The following NLRP3 variants were observed in gnomAD, a reference collection of about 807,000 sequenced individuals.
The protein encoded by NLRP3 is NACHT, LRR and PYD domains-containing protein 3.
In NLRP3, 48 loss-of-function variants were observed where a neutral mutation model predicts 91.3. That is an observed-to-expected ratio of 0.53 (90% CI 0.42 to 0.67). The LOEUF (loss-of-function observed/expected upper bound fraction) is 0.67, where lower values mean the gene tolerates loss of function less well. Ranked by LOEUF, NLRP3 falls within the 30% of genes least tolerant of loss-of-function variation. The pLI is 0.00. For synonymous variants in NLRP3, 561 were observed against 507.9 expected (o/e 1.10, Z -1.41); for missense variants, 982 against 1,276.9 (o/e 0.77, Z 3.52).
chr1:247,444,642 T>G lies in NLRP3; in HGVS notation c.2835-9T>G. The G allele has an allele frequency of 6.2e-7, 1 of 1,613,888 alleles. No individual in the cohort carries two copies. ...GGGACATTTTCTTTAAATCACCCCCTTTTTGCAGATTAGACAACTGCAACC... is the reference window on the plus strand; with the variant it reads ...GGGACATTTTCTTTAAATCACCCCCGTTTTGCAGATTAGACAACTGCAACC... On this transcript the variant is annotated splice_polypyrimidine_tract_variant and intron_variant, in intron 8 of 9. Coordinates refer to ENST00000336119, the MANE Select transcript of NLRP3 (RefSeq NM_001243133.2).
At chr1:247,436,345 A>G (rs113442081) in intron 7 of NLRP3, among the ~76,000 whole-genome samples, 1,623 of 152,308 alleles carry the variant, frequency 0.011, 22 homozygotes, top group African/African-American at 0.037. Flanking sequence ...TGATTATAGA[A>G]CTAGAGTTTC....
At chr1:247,433,035 A>T (rs913647887) in intron 5 of NLRP3, among the ~76,000 whole-genome samples, 3 of 151,634 alleles carry the variant, frequency 2.0e-5, no homozygotes, top group Admixed American at 6.6e-5. Flanking sequence ...ATAATAATAA[A>T]AATAAAATAT....
intron 3 of NLRP3, 84 bp from the exon 4 acceptor site, chr1:247,423,763 G>C (rs3806266): frequency 2.4e-6 from 3 of 1,231,348 alleles, no homozygotes; most frequent in Non-Finnish European, 3.5e-6. Context: ...GTTACCACTC[G>C]CTTCCGATGA....
Position 247,446,036 on chromosome 1 carries a change from C to T in NLRP3, c.3005+1215C>T, listed in dbSNP as rs999362662. 3.3e-5 allele frequency among the ~76,000 whole-genome samples: 5 copies of T among 152,210 alleles called. No homozygotes were observed. In the East Asian group the frequency reaches 5.8e-4, roughly 18 times the overall value. ...TCCACACCCTTGCTACTCTCTTCTACCCGAAACCTGATTCTTCCCCATTTC... is the reference window on the plus strand; with the variant it reads ...TCCACACCCTTGCTACTCTCTTCTATCCGAAACCTGATTCTTCCCCATTTC... On this transcript the variant is annotated intron_variant, in intron 9 of 9. Transcript: ENST00000336119.
rs149659331 is a variant in NLRP3 at position 247,424,028 on chromosome 1, G to A, written c.579G>A (p.Thr193=). Residue 193 remains threonine (T), a synonymous_variant, in exon 4 of 10, where the codon ACG becomes ACA. Transcript: ENST00000336119. The surrounding 1 kb of genome is among the most constrained non-coding windows in gnomAD (Gnocchi z 8.1). ...TTCTGGCCATCGGCAAGACCAAGAC[G>A]TGTGAGAGCCCCGTGAGTCCCATTA... ...QELLAIGKTK[T]CESPVSPIKM... 3.3e-5 allele frequency: 54 copies of A among 1,613,904 alleles called. No individual in the cohort carries two copies. The highest frequency in any genetic ancestry group is 1.3e-4 in the East Asian group (6 of 44,890).
intron 4 of NLRP3, among the ~76,000 whole-genome samples, chr1:247,428,283 AG>A (rs1663053741): frequency 6.6e-6 from 1 of 152,084 alleles, no homozygotes; most frequent in Admixed American, 6.5e-5. Context: ...GAGCCCTGGT[AG>A]GGGGCTCAGC....
chr1:247,420,986 C>T (rs997322155), intron 2 of NLRP3, among the ~76,000 whole-genome samples: 40 of 152,192 alleles, frequency 2.6e-4, no homozygotes, highest in African/African-American at 9.4e-4. Context: ...AGGCTTGGGC[C>T]TCTGCTTCCT....
intron 7 of NLRP3, among the ~76,000 whole-genome samples, chr1:247,441,851 G>T (rs1664264401): frequency 6.6e-6 from 1 of 152,198 alleles, no homozygotes; most frequent in African/African-American, 2.4e-5. Context: ...TACTACTACT[G>T]TGTAGTGCTC....
intron 4 of NLRP3, among the ~76,000 whole-genome samples, chr1:247,427,510 A>G (rs1166267644): frequency 2.0e-5 from 3 of 152,218 alleles, no homozygotes; most frequent in Admixed American, 6.5e-5. Flanking sequence ...TTCTCTAGAT[A>G]GCACCTTCCT....
chr1:247,443,487 G>A (rs1006741725), intron 7 of NLRP3, among the ~76,000 whole-genome samples: 18 of 151,348 alleles, frequency 1.2e-4, no homozygotes, highest in African/African-American at 2.2e-4. Flanking sequence ...CACAATGGAC[G>A]TTCACCTGTT....
chr1:247,425,642 C>A lies in NLRP3; in HGVS notation c.2150+43C>A, dbSNP rs771448179. ...CCAGGTGCTTCCTCCTGCTTCCTCGCCAGCTTCTTCTTGGCGCTTGCCTCC... is the reference window on the plus strand; with the variant it reads ...CCAGGTGCTTCCTCCTGCTTCCTCGACAGCTTCTTCTTGGCGCTTGCCTCC... On this transcript the variant is annotated intron_variant, in intron 4 of 9. Coordinates refer to ENST00000336119, the MANE Select transcript of NLRP3 (RefSeq NM_001243133.2). The surrounding 1 kb of genome is among the most constrained non-coding windows in gnomAD (Gnocchi z 4.1). 1.0e-5 allele frequency: 16 copies of A among 1,580,618 alleles called. No individual in the cohort carries two copies. In the African/African-American group the frequency reaches 2.1e-4, roughly 21 times the overall value.
Position 247,425,726 on chromosome 1 carries a change from C to T in NLRP3, c.2150+127C>T. The T allele has an allele frequency of 1.2e-6, 1 of 864,548 alleles. No individual in the cohort carries two copies. Among genetic ancestry groups the T allele is most frequent in the Non-Finnish European group, 1.9e-6 (1 of 533,822 alleles). 53.6% of individuals were successfully genotyped at this position (864,548 alleles called of 1,614,324 possible). A position where few individuals can be genotyped will look rare whatever the true frequency, so the allele number is the denominator to read the frequency against. ...TTGCCACAGCTACATCATAATGCCA[C>T]CACTGTCTGTTTGAGACTCCTTCAT... is the stretch of plus-strand genomic sequence containing the variant. On this transcript the variant is annotated intron_variant, in intron 4 of 9. Coordinates refer to ENST00000336119, the MANE Select transcript of NLRP3 (RefSeq NM_001243133.2). This position sits in a 1 kb window ranked among gnomAD's most constrained non-coding sequence, Gnocchi z 4.1.
intron 5 of NLRP3, among the ~76,000 whole-genome samples, chr1:247,430,216 A>G (rs1663208795): frequency 1.3e-5 from 2 of 152,302 alleles, no homozygotes; most frequent in South Asian, 4.1e-4. Context: ...CACAGACTGA[A>G]TGGCTTCAAC....
At chr1:247,431,585 T>G (rs2185572) in intron 5 of NLRP3, among the ~76,000 whole-genome samples, 1 of 152,140 alleles carries the variant, frequency 6.6e-6, no homozygotes, top group South Asian at 2.1e-4. Flanking sequence ...TTTGTCTTGC[T>G]GTCATCTTTG....
rs191981446 is a variant in NLRP3 at position 247,417,114 on chromosome 1, T to C, written c.-749+921T>C. ...ACTATGTTGGTGAATGCTGCAGTGA[T>C]ACACCTGTGATAAATGCTGGGGAAG... On this transcript the variant is annotated intron_variant, in intron 1 of 9. Coordinates refer to ENST00000336119, the MANE Select transcript of NLRP3 (RefSeq NM_001243133.2). Among the ~76,000 whole-genome samples the C allele has an allele frequency of 3.3e-5, 5 of 152,360 alleles. No homozygotes were observed. The East Asian group carries it at 9.6e-4, about 29-fold the overall frequency.
chr1:247,439,601 C>T (rs561953078), intron 7 of NLRP3, among the ~76,000 whole-genome samples: 3 of 152,146 alleles, frequency 2.0e-5, no homozygotes, highest in Non-Finnish European at 2.9e-5. Context: ...TTTTCAGTAA[C>T]CGTATCACCA....
intron 7 of NLRP3, among the ~76,000 whole-genome samples, chr1:247,439,483 G>A (rs983328051): frequency 2.0e-5 from 3 of 152,120 alleles, no homozygotes; most frequent in African/African-American, 4.8e-5. Context: ...TTATCTCTAC[G>A]TGGTGTCTTC....
chr1:247,423,213 T>C lies in NLRP3; in HGVS notation c.278-17T>C, dbSNP rs200908845. 1.9e-6 allele frequency: 3 copies of C among 1,606,404 alleles called. No homozygotes were observed. Among genetic ancestry groups the C allele is most frequent in the Non-Finnish European group, 2.6e-6 (3 of 1,174,778 alleles). ...GATAATAGTTCTGGGTTTTGACACC[T>C]TTTTTTTCCCTTTTAGGTTCAGATA... On this transcript the variant is annotated splice_polypyrimidine_tract_variant and intron_variant, in intron 2 of 9. Coordinates refer to ENST00000336119, the MANE Select transcript of NLRP3 (RefSeq NM_001243133.2).
At chr1:247,419,769 G>A (rs1025116744) in intron 2 of NLRP3, among the ~76,000 whole-genome samples, 1 of 152,132 alleles carries the variant, frequency 6.6e-6, no homozygotes, top group African/African-American at 2.4e-5. Context: ...CTTTAAAAAA[G>A]ACTGTATAAA....
Sources: gnomAD v4.1 joint callset for allele counts (sites outside exome capture counted in the v4.1 genomes callset) on GRCh38, gnomAD v4.1.1 for gene constraint, Gnocchi (gnomAD v3.1) non-coding constraint, MANE v1.5 for transcripts, NCBI Gene and HGNC (gene_info 2026-07-23, HGNC 2026-07-21) for gene names.